Variants in TBL1X observed in about 807,000 individuals in gnomAD.
TBL1X encodes the protein F-box-like/WD repeat-containing protein TBL1X.
TBL1X carries 10 observed loss-of-function variants against 50.7 expected under a neutral mutation model. The ratio of observed to expected loss-of-function variants is 0.20; its 90% CI spans 0.12 to 0.33. TBL1X has a LOEUF of 0.33. Ranked by LOEUF, TBL1X falls within the 10% of genes least tolerant of loss-of-function variation. The probability of loss-of-function intolerance (pLI) is 1.00; values close to 1 mark genes in which losing one functional copy is unlikely to be tolerated. For missense variants in TBL1X, 340 were observed against 504.4 expected (o/e 0.67, Z 3.12); for synonymous variants, 190 against 214.7 (o/e 0.88, Z 1.01).
intron 2 of TBL1X, among the ~76,000 whole-genome samples, chrX:9,503,727 G>A (rs993086470): frequency 3.5e-5 from 4 of 112,763 alleles, no homozygotes; most frequent in African/African-American, 9.7e-5. Flanking sequence ...TGTGTGGGGC[G>A]GGGCGCTTCC....
intron 3 of TBL1X, among the ~76,000 whole-genome samples, chrX:9,652,587 C>T (rs943422165): frequency 1.8e-5 from 2 of 112,186 alleles, no homozygotes; most frequent in Middle Eastern, 4.7e-3. Flanking sequence ...CCGGGCGTGG[C>T]GGCTCACGCC....
intron 2 of TBL1X, among the ~76,000 whole-genome samples, chrX:9,605,241 A>G (rs929643619): frequency 1.8e-5 from 2 of 111,574 alleles, no homozygotes; most frequent in African/African-American, 3.3e-5. Flanking sequence ...ATCCAGCTTT[A>G]TAATTGGAAT....
intron 16 of TBL1X, among the ~76,000 whole-genome samples, chrX:9,712,381 A>G (rs1247544900): frequency 3.5e-5 from 4 of 112,811 alleles, no homozygotes; most frequent in African/African-American, 1.3e-4. Flanking sequence ...TCTGTCACCC[A>G]GGCTGGAGTG....
chrX:9,555,911 G>GGTGCAGT (rs1310831525), intron 2 of TBL1X, among the ~76,000 whole-genome samples: 2 of 111,640 alleles, frequency 1.8e-5, no homozygotes, highest in Non-Finnish European at 3.8e-5. Flanking sequence ...GAATGGGTTG[G>GGTGCAGT]GTGCAGTAGC....
intron 2 of TBL1X, among the ~76,000 whole-genome samples, chrX:9,609,880 A>G (rs746340461): frequency 1.8e-5 from 2 of 112,515 alleles, no homozygotes; most frequent in Non-Finnish European, 3.7e-5. Context: ...TTTTCCATGT[A>G]TTAGACCTAA....
At chrX:9,574,401 G>A (rs1015100840) in intron 2 of TBL1X, among the ~76,000 whole-genome samples, 2 of 98,762 alleles carry the variant, frequency 2.0e-5, no homozygotes, top group African/African-American at 7.7e-5. Context: ...CTACAAGTGA[G>A]CCATGATCAT....
At chrX:9,595,175 G>T (rs1219797345) in intron 2 of TBL1X, among the ~76,000 whole-genome samples, 1 of 111,793 alleles carries the variant, frequency 8.9e-6, no homozygotes, top group African/African-American at 3.3e-5. Context: ...TGGCACAGGG[G>T]TCCCCAGAAC....
rs34335400 is a variant in TBL1X at position 9,654,410 on chromosome X, TAGA to T, written c.211+104_211+106del. The T allele has an allele frequency of 1.8e-3, 1,456 of 818,794 alleles. 1 individual carries two copies. The highest frequency in any genetic ancestry group is 2.3e-3 in the Non-Finnish European group (1,345 of 572,800). 67.5% of individuals were successfully genotyped at this position (818,794 alleles called of 1,213,427 possible). ...CAACGCTTAATTCAAAACCAGGCTG[TAGA>T]AGAAGAAGAAGAAGAGCTAAGAAGG... On this transcript the variant is annotated intron_variant, in intron 5 of 17. Transcript: ENST00000645353.
chrX:9,482,334 G>T (rs968446601), intron 1 of TBL1X, among the ~76,000 whole-genome samples: 26 of 111,041 alleles, frequency 2.3e-4, no homozygotes, highest in African/African-American at 8.5e-4. Context: ...GTTAATCTTT[G>T]TTTTTTTTCC....
At chrX:9,708,317 G>T (rs768765745) in intron 13 of TBL1X, among the ~76,000 whole-genome samples, 1 of 112,499 alleles carries the variant, frequency 8.9e-6, no homozygotes, top group African/African-American at 3.2e-5. Flanking sequence ...CTACCTGGCT[G>T]TGCCGATCAC....
At chrX:9,464,200 C>T (rs899293441), upstream of TBL1X, among the ~76,000 whole-genome samples, 3 of 111,022 alleles carry the variant, frequency 2.7e-5, no homozygotes, top group Non-Finnish European at 5.7e-5. Flanking sequence ...GCGCTGGGGA[C>T]TTAGGTACAC....
At chrX:9,554,968 T>C (rs759953921) in intron 2 of TBL1X, among the ~76,000 whole-genome samples, 13 of 112,392 alleles carry the variant, frequency 1.2e-4, no homozygotes, top group African/African-American at 3.2e-4. Context: ...TTCTGGACAT[T>C]AGATATAAAT....
chrX:9,543,158 C>T (rs1014127075), intron 2 of TBL1X, among the ~76,000 whole-genome samples: 2 of 112,210 alleles, frequency 1.8e-5, no homozygotes, highest in African/African-American at 6.5e-5. Context: ...GGGCACGGGA[C>T]GTGAATCCGT....
At chrX:9,547,993 A>T (rs2082253287) in intron 2 of TBL1X, among the ~76,000 whole-genome samples, 1 of 102,732 alleles carries the variant, frequency 9.7e-6, no homozygotes, top group Non-Finnish European at 2.0e-5. Flanking sequence ...TATAGGACAC[A>T]AAAAAAGGTT....
intron 2 of TBL1X, among the ~76,000 whole-genome samples, chrX:9,583,658 T>C (rs2082453728): frequency 8.9e-6 from 1 of 112,573 alleles, no homozygotes; most frequent in Non-Finnish European, 1.9e-5. Context: ...TCAAGTGTTA[T>C]CATCTATAAA....
intron 2 of TBL1X, among the ~76,000 whole-genome samples, chrX:9,585,336 CCCCT>C (rs2147025219): frequency 1.6e-5 from 1 of 64,069 alleles, no homozygotes; most frequent in East Asian, 8.1e-4. Flanking sequence ...CCACCCCCCT[CCCCT>C]CCCCCCCCCG....
chrX:9,538,648 C>T (rs1009282120), intron 2 of TBL1X, among the ~76,000 whole-genome samples: 1 of 112,339 alleles, frequency 8.9e-6, no homozygotes, highest in African/African-American at 3.2e-5. Context: ...ATCTCTTGCT[C>T]AATGCTTTTC....
At chrX:9,589,528 G>T (rs1302036690) in intron 2 of TBL1X, among the ~76,000 whole-genome samples, 1 of 111,513 alleles carries the variant, frequency 9.0e-6, no homozygotes, top group East Asian at 2.8e-4. Context: ...ATCGGAGTTT[G>T]CTGTCTTGCT....
At chrX:9,676,097 A>C (rs1386840970) in intron 5 of TBL1X, among the ~76,000 whole-genome samples, 1 of 112,028 alleles carries the variant, frequency 8.9e-6, no homozygotes, top group African/African-American at 3.2e-5. Flanking sequence ...TATCCGTCGT[A>C]AATCTCTGGT....
Sources: allele counts gnomAD v4.1 joint callset (sites outside exome capture counted in the v4.1 genomes callset), GRCh38; gene constraint gnomAD v4.1.1; transcripts MANE v1.5; gene names NCBI Gene and HGNC (gene_info 2026-07-23, HGNC 2026-07-21).